HSD17B2: variants seen among roughly 807,000 people sequenced by gnomAD.
HSD17B2 encodes the protein hydroxysteroid 17-beta dehydrogenase 2.
Under a neutral mutation model 26.9 loss-of-function variants are expected in HSD17B2, and 32 were observed. The observed-to-expected ratio is 1.19, with a 90% confidence interval of 0.90 to 1.60. The LOEUF is 1.60. HSD17B2 is among the 40% of genes most tolerant of loss of function. HSD17B2 has a pLI of 0.00. For synonymous variants in HSD17B2, 246 were observed against 186.7 expected, an observed-to-expected ratio of 1.32 and a Z score of -2.59; for missense variants, 613 against 468.6, an observed-to-expected ratio of 1.31 and a Z score of -2.85.
In HSD17B2 at chr16:82,077,941, T is replaced by C. The variant is rs1310311225; in HGVS notation, c.664+6814T>C. 2.6e-5 allele frequency among the ~76,000 whole-genome samples: 4 copies of C among 152,322 alleles called. No individual in the cohort carries two copies. The East Asian group carries it at 5.8e-4, about 22-fold the overall frequency. Reference sequence around the variant, plus strand: ...TCTAAGACCTCAAACTGTGAAACTATTGTACTATAAGAAAACATTAGGGAA... The same window carrying C: ...TCTAAGACCTCAAACTGTGAAACTACTGTACTATAAGAAAACATTAGGGAA... On this transcript the variant is annotated intron_variant, in intron 3 of 4. Coordinates refer to ENST00000199936, the MANE Select transcript of HSD17B2 (RefSeq NM_002153.3).
chr16:82,095,499 C>T (rs1332123265), intron 4 of HSD17B2: 1 of 152,898 alleles, frequency 6.5e-6, no homozygotes, highest in Non-Finnish European at 1.5e-5. Context: ...AGACCGCAAG[C>T]TTTTTGGAAA....
chr16:82,035,402 G>A lies in HSD17B2; in HGVS notation c.-23G>A. ...CTAGACTCACTGGCCCTGAGCACTT[G>A]AAGGTGCAGCAAGTCACTGAGAATG... On this transcript the variant is annotated 5_prime_UTR_variant, in exon 1 of 5. The change abolishes the stop of an existing upstream ORF in the 5' untranslated region. Coordinates refer to ENST00000199936, the MANE Select transcript of HSD17B2 (RefSeq NM_002153.3). The A allele has an allele frequency of 6.2e-7, 1 of 1,601,302 alleles. No individual in the cohort carries two copies. Among genetic ancestry groups the A allele is most frequent in the East Asian group, 2.2e-5 (1 of 44,640 alleles).
At chr16:82,054,592 G>A (rs1284781865) in intron 1 of HSD17B2, among the ~76,000 whole-genome samples, 1 of 152,148 alleles carries the variant, frequency 6.6e-6, no homozygotes, top group African/African-American at 2.4e-5. Context: ...TTATCCACCT[G>A]CCCCAGCCTC....
intron 2 of HSD17B2, 57 bp from the exon 3 acceptor site, chr16:82,070,885 G>A: frequency 2.7e-6 from 4 of 1,504,838 alleles, no homozygotes; most frequent in East Asian, 4.5e-5. Context: ...GGTATTGCAG[G>A]TTGTGTTATT....
chr16:82,057,201 TTTC>T (rs1914294882), intron 1 of HSD17B2, among the ~76,000 whole-genome samples: 1 of 151,034 alleles, frequency 6.6e-6, no homozygotes, highest in Non-Finnish European at 1.5e-5. Context: ...TCTCTTTTCT[TTTC>T]TTTTTTTTTT....
At chr16:82,096,531 C>T (rs1482231454) in intron 4 of HSD17B2, 1 of 151,972 alleles carries the variant, frequency 6.6e-6, no homozygotes, top group Non-Finnish European at 1.5e-5. Flanking sequence ...GCCTAAAATC[C>T]TATATTTAAT....
chr16:82,087,614 A>G (rs191395153), intron 3 of HSD17B2, among the ~76,000 whole-genome samples: 41 of 152,304 alleles, frequency 2.7e-4, no homozygotes, highest in African/African-American at 8.9e-4. Flanking sequence ...TAGATTGTCA[A>G]TGTGGTATAT....
chr16:82,079,637 G>A (rs1049018190), intron 3 of HSD17B2, among the ~76,000 whole-genome samples: 1 of 152,148 alleles, frequency 6.6e-6, no homozygotes, highest in Non-Finnish European at 1.5e-5. Context: ...CACTGTAATT[G>A]ATAAGGGACA....
chr16:82,096,607 CTATAT>C (rs1475394262), intron 4 of HSD17B2: 1 of 151,756 alleles, frequency 6.6e-6, no homozygotes. Context: ...TGTATATATA[CTATAT>C]TATATACAGT....
At chr16:82,064,768 G>T (rs1377354454) in intron 1 of HSD17B2, among the ~76,000 whole-genome samples, 1 of 152,182 alleles carries the variant, frequency 6.6e-6, no homozygotes, top group African/African-American at 2.4e-5. Flanking sequence ...CCAAGAAGAT[G>T]CTCGTCTATG....
intron 3 of HSD17B2, among the ~76,000 whole-genome samples, chr16:82,072,892 C>CA (rs1302334035): frequency 2.6e-5 from 4 of 151,958 alleles, no homozygotes; most frequent in Non-Finnish European, 5.9e-5. Context: ...CTCGTCTGTA[C>CA]AAAAAAATTA....
intron 3 of HSD17B2, chr16:82,090,302 GTTTTTTTTTTTTTTT>G (rs35272646): frequency 0.01 from 408 of 40,106 alleles, 3 homozygotes; most frequent in Non-Finnish European, 9.2e-3. Context: ...AAACTACATT[GTTTTTTTTTTTTTTT>G]TTTTTTTTTT....
intron 1 of HSD17B2, among the ~76,000 whole-genome samples, chr16:82,046,489 G>A (rs1205441911): frequency 6.6e-6 from 1 of 152,122 alleles, no homozygotes; most frequent in African/African-American, 2.4e-5. Context: ...TTGGGAGGCT[G>A]ACACAGGCAG....
intron 2 of HSD17B2, 185 bp from the exon 3 acceptor site, chr16:82,070,757 C>G: frequency 3.4e-6 from 2 of 594,136 alleles, no homozygotes; most frequent in Non-Finnish European, 6.0e-6. Flanking sequence ...CTTCCTGTTA[C>G]AGGAATTCCC....
chr16:82,036,891 A>C (rs1288812285), intron 1 of HSD17B2, among the ~76,000 whole-genome samples: 1 of 152,104 alleles, frequency 6.6e-6, no homozygotes, highest in African/African-American at 2.4e-5. Context: ...TTTGTAAGAG[A>C]GTCTCAATTT....
At chr16:82,083,442 A>G (rs568862139) in intron 3 of HSD17B2, among the ~76,000 whole-genome samples, 2 of 152,256 alleles carry the variant, frequency 1.3e-5, no homozygotes, top group African/African-American at 4.8e-5. Flanking sequence ...TGACCTTGGG[A>G]ACAGTTCTGA....
At chr16:82,074,414 TA>T (rs1914766603) in intron 3 of HSD17B2, among the ~76,000 whole-genome samples, 1 of 152,050 alleles carries the variant, frequency 6.6e-6, no homozygotes, top group Admixed American at 6.6e-5. Flanking sequence ...AGAAATCAAG[TA>T]ACAATATCAG....
At chr16:82,057,373 A>AT (rs1567582641) in intron 1 of HSD17B2, among the ~76,000 whole-genome samples, 1 of 151,920 alleles carries the variant, frequency 6.6e-6, no homozygotes, top group Admixed American at 6.6e-5. Context: ...TACTTTTTGT[A>AT]TTTTTAGTAG....
intron 3 of HSD17B2, among the ~76,000 whole-genome samples, chr16:82,089,527 C>A (rs1328999144): frequency 2.0e-5 from 3 of 152,152 alleles, no homozygotes; most frequent in African/African-American, 4.8e-5. Flanking sequence ...CAGGAATGCA[C>A]CTCAATTCAT....
Sources: allele counts gnomAD v4.1 joint callset (sites outside exome capture counted in the v4.1 genomes callset), GRCh38; gene constraint gnomAD v4.1.1; transcripts MANE v1.5; gene names NCBI Gene and HGNC (gene_info 2026-07-23, HGNC 2026-07-21).